Variants in MAP7D2 observed in about 807,000 individuals in gnomAD.
MAP7D2 encodes MAP7 domain containing 2, also known as MAP7 domain-containing protein 2.
Under a neutral mutation model 63.5 loss-of-function variants are expected in MAP7D2, and 33 were observed. The ratio of observed to expected loss-of-function variants is 0.52; its 90% confidence interval spans 0.39 to 0.70. The LOEUF (loss-of-function observed/expected upper bound fraction) is 0.70. MAP7D2 is among the 30% of genes least tolerant of loss of function. MAP7D2 has a pLI of 0.00. For missense variants in MAP7D2, 626 were observed against 604.0 expected, an observed-to-expected ratio of 1.04 and a Z score of -0.38; for synonymous variants, 224 against 223.7, an observed-to-expected ratio of 1.00 and a Z score of -0.01.
intron 8 of MAP7D2, among the ~76,000 whole-genome samples, chrX:20,039,997 CAAAAAAAAAAA>C (rs759631358): frequency 1.7e-4 from 5 of 29,804 alleles, no homozygotes; most frequent in Admixed American, 4.3e-4. Flanking sequence ...GACTCCATCT[CAAAAAAAAAAA>C]AAAAAAAAAA....
chrX:20,068,073 G>A (rs905289002), intron 1 of MAP7D2, among the ~76,000 whole-genome samples: 3 of 112,360 alleles, frequency 2.7e-5, no homozygotes, highest in Non-Finnish European at 5.6e-5. Context: ...ATGCATGGCC[G>A]TCTCTTTCTT....
chrX:20,013,975 G>C (rs1268606137), intron 12 of MAP7D2, among the ~76,000 whole-genome samples: 1 of 112,233 alleles, frequency 8.9e-6, no homozygotes, highest in East Asian at 2.8e-4. Flanking sequence ...AGGCTGAGGT[G>C]CATCTCAGGA....
chrX:20,081,490 C>T (rs1603393992), intron 1 of MAP7D2, among the ~76,000 whole-genome samples: 1 of 111,210 alleles, frequency 9.0e-6, no homozygotes, highest in East Asian at 2.8e-4. Context: ...TGTCCTCATT[C>T]CTTGTTTCTG....
chrX:20,039,067 G>A (rs2064576835), intron 8 of MAP7D2, among the ~76,000 whole-genome samples: 1 of 112,598 alleles, frequency 8.9e-6, no homozygotes, highest in Admixed American at 9.4e-5. Context: ...TGAAGGCAAA[G>A]AGAATACAGA....
At chrX:20,091,464 G>A (rs1273432497) in intron 1 of MAP7D2, among the ~76,000 whole-genome samples, 2 of 109,005 alleles carry the variant, frequency 1.8e-5, no homozygotes, top group African/African-American at 6.7e-5. Flanking sequence ...GAGGTCATAA[G>A]TTCAAGACCA....
intron 14 of MAP7D2, 52 bp from the exon 15 acceptor site, chrX:20,012,587 G>T: frequency 1.0e-6 from 1 of 1,003,285 alleles, no homozygotes. Flanking sequence ...TCTAAATAAA[G>T]TAACAGAGAA....
chrX:20,083,416 G>A (rs1331154539), intron 1 of MAP7D2, among the ~76,000 whole-genome samples: 2 of 111,741 alleles, frequency 1.8e-5, no homozygotes. Context: ...CCTGAGTATG[G>A]ATGGTACCTG....
chrX:20,106,826 T>A (rs1189771979), intron 1 of MAP7D2, among the ~76,000 whole-genome samples: 2 of 110,127 alleles, frequency 1.8e-5, no homozygotes, highest in African/African-American at 3.3e-5. Context: ...AAAAAAAAAA[T>A]TCAAAAATGA....
chrX:20,096,081 C>CAAAAA (rs1208579984), intron 1 of MAP7D2, among the ~76,000 whole-genome samples: 2 of 14,887 alleles, frequency 1.3e-4, no homozygotes, highest in African/African-American at 2.6e-4. Context: ...GACTCTTCCT[C>CAAAAA]AAAAAAAAAA....
At chrX:20,081,691 C>T (rs959186234) in intron 1 of MAP7D2, among the ~76,000 whole-genome samples, 3 of 106,834 alleles carry the variant, frequency 2.8e-5, no homozygotes, top group Non-Finnish European at 5.8e-5. Flanking sequence ...CTCACTCGGT[C>T]GCCTAGGCTG....
At chrX:20,049,448 T>A (rs1286372643) in intron 6 of MAP7D2, among the ~76,000 whole-genome samples, 1 of 109,080 alleles carries the variant, frequency 9.2e-6, no homozygotes, top group Non-Finnish European at 1.9e-5. Flanking sequence ...ATTTTTGTAT[T>A]TTTAGTAGAG....
intron 1 of MAP7D2, among the ~76,000 whole-genome samples, chrX:20,082,564 C>G (rs1055078974): frequency 8.9e-6 from 1 of 112,278 alleles, no homozygotes; most frequent in African/African-American, 3.2e-5. Context: ...AATTCTTAAA[C>G]AAGGACAATC....
rs777151598 is a variant in MAP7D2 at position 20,108,384 on chromosome X, G to A, written c.130+8366C>T. Reference sequence around the variant, plus strand: ...CGAGTAACTGGGACTACAGGTATGCGCCACCACATCTGGCTAATTTTTGTA... The same window carrying A: ...CGAGTAACTGGGACTACAGGTATGCACCACCACATCTGGCTAATTTTTGTA... On this transcript the variant is annotated intron_variant, in intron 1 of 16. Transcript: ENST00000379643. 9.1e-5 allele frequency among the ~76,000 whole-genome samples: 10 copies of A among 109,655 alleles called. No individual in the cohort carries two copies. The South Asian group carries it at 3.9e-3, about 43-fold the overall frequency.
intron 1 of MAP7D2, among the ~76,000 whole-genome samples, chrX:20,075,981 G>C (rs1011579980): frequency 9.0e-5 from 10 of 110,989 alleles, no homozygotes; most frequent in Non-Finnish European, 1.5e-4. Context: ...TTTGGGTGGG[G>C]GAGGGTTCTA....
At chrX:20,107,497 G>A (rs1288421492) in intron 1 of MAP7D2, among the ~76,000 whole-genome samples, 2 of 111,142 alleles carry the variant, frequency 1.8e-5, no homozygotes, top group Non-Finnish European at 3.8e-5. Flanking sequence ...TTTGAACCGG[G>A]GAGGTAGAGG....
intron 8 of MAP7D2, among the ~76,000 whole-genome samples, chrX:20,038,955 A>G (rs904702475): frequency 4.5e-5 from 5 of 112,290 alleles, no homozygotes. Context: ...GAAAACTACA[A>G]GAGCCCAATC....
At chrX:20,020,744 G>A (rs1456982623) in intron 10 of MAP7D2, among the ~76,000 whole-genome samples, 1 of 112,082 alleles carries the variant, frequency 8.9e-6, no homozygotes, top group Non-Finnish European at 1.9e-5. Flanking sequence ...GAGCAGCCTC[G>A]AAGACCTCTG....
intron 2 of MAP7D2, 107 bp downstream of exon 2, chrX:20,064,621 G>T: frequency 1.7e-6 from 1 of 602,114 alleles, no homozygotes; most frequent in Non-Finnish European, 2.7e-6. Flanking sequence ...TGTTCATCTA[G>T]CAACTGTCCT....
intron 1 of MAP7D2, among the ~76,000 whole-genome samples, chrX:20,096,081 CAAAAAAA>C (rs1208579984): frequency 7.4e-4 from 11 of 14,895 alleles, no homozygotes; most frequent in South Asian, 5.0e-3. Context: ...GACTCTTCCT[CAAAAAAA>C]AAAAAAAAAA....
Sources: allele counts gnomAD v4.1 joint callset (sites outside exome capture counted in the v4.1 genomes callset), GRCh38; gene constraint gnomAD v4.1.1; transcripts MANE v1.5; gene names NCBI Gene and HGNC (gene_info 2026-07-23, HGNC 2026-07-21).